Variants in DNAAF4 observed in about 807,000 individuals in gnomAD.
DNAAF4 encodes dynein axonemal assembly factor 4, also known as dynein assembly factor 4, axonemal.
Under a neutral mutation model 51.8 loss-of-function variants are expected in DNAAF4, and 43 were observed. That is an observed-to-expected ratio of 0.83 (90% CI 0.65 to 1.07). DNAAF4 has a LOEUF of 1.07. Among genes scored for constraint, DNAAF4 ranks in the 50% least tolerant of loss-of-function variants. The pLI is 0.00. For missense variants in DNAAF4, 581 were observed against 493.0 expected, an observed-to-expected ratio of 1.18 and a Z score of -1.69; for synonymous variants, 194 against 165.6, an observed-to-expected ratio of 1.17 and a Z score of -1.32.
chr15:55,481,062 G>A (rs2058403046), intron 4 of DNAAF4, among the ~76,000 whole-genome samples: 1 of 152,152 alleles, frequency 6.6e-6, no homozygotes, highest in Non-Finnish European at 1.5e-5. Context: ...GTTAAGAGGT[G>A]TCTTCTGCCA....
chr15:55,432,684 G>A (rs1186084019), intron 8 of DNAAF4, 82 bp from the exon 9 acceptor site: 24 of 1,270,744 alleles, frequency 1.9e-5, no homozygotes, highest in African/African-American at 4.5e-5. Context: ...GGTGGCTCAC[G>A]CCTGTAATCC....
At chr15:55,425,390 T>C (rs1223072305), downstream of DNAAF4, among the ~76,000 whole-genome samples, 1 of 152,188 alleles carries the variant, frequency 6.6e-6, no homozygotes, top group African/African-American at 2.4e-5. Flanking sequence ...CTTGGTAATT[T>C]TCCATCCACT....
At chr15:55,481,310 C>A (rs2058407522) in intron 4 of DNAAF4, among the ~76,000 whole-genome samples, 1 of 152,168 alleles carries the variant, frequency 6.6e-6, no homozygotes, top group African/African-American at 2.4e-5. Context: ...CCAAAATTAG[C>A]TGACCAGGCC....
intron 6 of DNAAF4, among the ~76,000 whole-genome samples, chr15:55,446,638 C>G (rs1005672087): frequency 3.4e-5 from 5 of 146,388 alleles, no homozygotes; most frequent in African/African-American, 1.3e-4. Context: ...CACCCTGCTT[C>G]CCAGATGGGG....
At chr15:55,454,567 G>A (rs1305853801) in intron 5 of DNAAF4, among the ~76,000 whole-genome samples, 1 of 151,808 alleles carries the variant, frequency 6.6e-6, no homozygotes, top group Non-Finnish European at 1.5e-5. Context: ...TAGTAGAGAT[G>A]GGGTTTCACC....
intron 7 of DNAAF4, among the ~76,000 whole-genome samples, chr15:55,422,484 A>G (rs928278365): frequency 6.6e-6 from 1 of 152,204 alleles, no homozygotes; most frequent in Non-Finnish European, 1.5e-5. Flanking sequence ...ACCACCATTT[A>G]GAGGTCAAGG....
At chr15:55,470,545 T>TA (rs1491095864) in intron 4 of DNAAF4, among the ~76,000 whole-genome samples, 1 of 121,392 alleles carries the variant, frequency 8.2e-6, no homozygotes, top group African/African-American at 3.7e-5. Flanking sequence ...CATGACTGGG[T>TA]TTTTTTTTTT....
At chr15:55,445,032 C>CTTTTTTTTTTTTTTTTTTTTTT (rs35988188) in intron 6 of DNAAF4, among the ~76,000 whole-genome samples, 1 of 109,044 alleles carries the variant, frequency 9.2e-6, no homozygotes, top group Non-Finnish European at 1.8e-5. Context: ...ATTGAATACC[C>CTTTTTTTTTTTTTTTTTTTTTT]TTTTTTTTTT....
chr15:55,447,258 G>C (rs977797109), intron 6 of DNAAF4, among the ~76,000 whole-genome samples: 2 of 149,428 alleles, frequency 1.3e-5, no homozygotes, highest in African/African-American at 2.5e-5. Context: ...CAGATGGGGT[G>C]GCGGTCGGGC....
At chr15:55,476,149 G>T (rs569297888) in intron 4 of DNAAF4, among the ~76,000 whole-genome samples, 303 of 152,260 alleles carry the variant, frequency 2.0e-3, no homozygotes, top group African/African-American at 6.8e-3. Flanking sequence ...TAATAGACCT[G>T]CTCTATAAGA....
intron 6 of DNAAF4, chr15:55,443,465 G>A: frequency 1.8e-6 from 1 of 568,600 alleles, no homozygotes; most frequent in Non-Finnish European, 3.1e-6. Flanking sequence ...CATTTGGGTT[G>A]GTTCCAAGTC....
intron 4 of DNAAF4, among the ~76,000 whole-genome samples, chr15:55,475,518 G>A (rs2058324402): frequency 6.6e-6 from 1 of 152,144 alleles, no homozygotes; most frequent in African/African-American, 2.4e-5. Context: ...CTTGGAACTA[G>A]AAGTGTTTCA....
Position 55,498,338 on chromosome 15 carries a change from C to T in DNAAF4, c.-9G>A, listed in dbSNP as rs758652694. The T allele has an allele frequency of 6.3e-7, 1 of 1,596,848 alleles. No individual in the cohort carries two copies. The highest frequency in any genetic ancestry group is 1.1e-5 in the South Asian group (1 of 89,464). On this transcript the variant is annotated 5_prime_UTR_variant, in exon 2 of 10. Coordinates refer to ENST00000321149, the MANE Select transcript of DNAAF4 (RefSeq NM_130810.4). ...CTAACCTGAAGAGGCATTCCGGTAG[C>T]AACGGGAGCGGATAGCGCGGCTGGT... is the stretch of plus-strand genomic sequence containing the variant.
intron 6 of DNAAF4, chr15:55,443,102 C>T: frequency 6.2e-7 from 1 of 1,610,572 alleles, no homozygotes; most frequent in Non-Finnish European, 8.5e-7. Flanking sequence ...TGAATCCTTT[C>T]AGTAGGTGTA....
intron 5 of DNAAF4, among the ~76,000 whole-genome samples, chr15:55,452,327 T>C (rs967748247): frequency 1.3e-5 from 2 of 151,370 alleles, no homozygotes; most frequent in South Asian, 2.1e-4. Context: ...CATACTTCAT[T>C]TTACTTCAGA....
intron 6 of DNAAF4, among the ~76,000 whole-genome samples, chr15:55,449,272 G>T (rs994785169): frequency 6.6e-6 from 1 of 151,360 alleles, no homozygotes; most frequent in African/African-American, 2.4e-5. Flanking sequence ...TTACAGGCGT[G>T]AGCCACCACG....
chr15:55,458,308 A>G (rs767676380), intron 5 of DNAAF4, among the ~76,000 whole-genome samples: 11 of 152,188 alleles, frequency 7.2e-5, no homozygotes, highest in Non-Finnish European at 1.6e-4. Context: ...ATATGAATGG[A>G]AAAGTCTCCA....
chr15:55,466,873 C>T (rs1460836796), intron 5 of DNAAF4, 57 bp downstream of exon 5: 59 of 1,558,494 alleles, frequency 3.8e-5, no homozygotes, highest in Non-Finnish European at 4.2e-5. Context: ...AAAAGAAAAG[C>T]GTCATATATA....
chr15:55,447,819 G>C (rs1427415778), intron 6 of DNAAF4, among the ~76,000 whole-genome samples: 9 of 119,624 alleles, frequency 7.5e-5, no homozygotes, highest in African/African-American at 2.5e-4. Flanking sequence ...AGAGGGGAGA[G>C]GGGAGAGGGC....
Sources: gnomAD v4.1 joint callset for allele counts (sites outside exome capture counted in the v4.1 genomes callset) on GRCh38, gnomAD v4.1.1 for gene constraint, MANE v1.5 for transcripts, NCBI Gene and HGNC (gene_info 2026-07-23, HGNC 2026-07-21) for gene names.